The following EXOC6B variants were observed in gnomAD, a reference collection of about 807,000 sequenced individuals.
EXOC6B encodes the protein SEC15 homolog B.
EXOC6B carries 54 observed loss-of-function variants against 113.5 expected under a neutral mutation model. The ratio of observed to expected loss-of-function variants is 0.48; its 90% CI spans 0.38 to 0.60. The LOEUF (loss-of-function observed/expected upper bound fraction) is 0.60. EXOC6B is among the 20% of genes least tolerant of loss of function. The probability of loss-of-function intolerance (pLI) is 0.00; values close to 1 mark genes in which losing one functional copy is unlikely to be tolerated. For synonymous variants in EXOC6B, 357 were observed against 339.0 expected (o/e 1.05, Z -0.58); for missense variants, 797 against 977.5 (o/e 0.82, Z 2.46).
chr2:72,646,252 G>C (rs1573547876), intron 6 of EXOC6B, among the ~76,000 whole-genome samples: 1 of 152,086 alleles, frequency 6.6e-6, no homozygotes, highest in East Asian at 1.9e-4. Flanking sequence ...GGAAGAAGTT[G>C]AATCTCTGAA....
chr2:72,731,321 G>T, intron 3 of EXOC6B, 76 bp from the exon 4 acceptor site: 2 of 1,104,930 alleles, frequency 1.8e-6, no homozygotes, highest in Non-Finnish European at 2.7e-6. Context: ...TTTCCACACT[G>T]TGTTCAATTC....
At position 72,465,357 on chromosome 2, in the gene EXOC6B, A is replaced by C; in HGVS notation, c.1801-18T>G. The C allele has an allele frequency of 1.3e-6, 2 of 1,548,776 alleles. No homozygotes were observed. Among genetic ancestry groups the C allele is most frequent in the South Asian group, 1.2e-5 (1 of 82,998 alleles). On this transcript the variant is annotated intron_variant, in intron 17 of 21. Transcript: ENST00000272427. Reference sequence around the variant, plus strand: ...CTAGCATCCTGTGAAAAAATATAAAATTTGAAAAATCACTCAGATTTCAAT... The same window carrying C: ...CTAGCATCCTGTGAAAAAATATAAACTTTGAAAAATCACTCAGATTTCAAT...
In EXOC6B at chr2:72,590,101, T is replaced by C. The variant is rs114489930; in HGVS notation, c.670-14433A>G. ...ATTACCTTGACAATTGGGCATAATCTTAGGATTTTGGTAATGTTGTGGATA... is the reference window on the plus strand; with the variant it reads ...ATTACCTTGACAATTGGGCATAATCCTAGGATTTTGGTAATGTTGTGGATA... On this transcript the variant is annotated intron_variant, in intron 6 of 21. Coordinates refer to ENST00000272427, the MANE Select transcript of EXOC6B (RefSeq NM_015189.3). 5.9e-3 allele frequency among the ~76,000 whole-genome samples: 901 copies of C among 152,088 alleles called. 6 individuals are homozygous for C. The highest frequency in any genetic ancestry group is 0.01 in the Non-Finnish European group (681 of 67,870).
chr2:72,770,262 G>GA (rs992894812), intron 1 of EXOC6B, among the ~76,000 whole-genome samples: 1 of 151,328 alleles, frequency 6.6e-6, no homozygotes, highest in Admixed American at 6.6e-5. Flanking sequence ...ATACAACTAA[G>GA]AAAAAAAAGA....
intron 20 of EXOC6B, among the ~76,000 whole-genome samples, chr2:72,202,231 C>T (rs1679535666): frequency 6.6e-6 from 1 of 152,168 alleles, no homozygotes; most frequent in Non-Finnish European, 1.5e-5. Context: ...TGAGAGGAGA[C>T]ACAGTAAGTG....
chr2:72,609,778 A>G (rs1442826157), intron 6 of EXOC6B, among the ~76,000 whole-genome samples: 8 of 152,138 alleles, frequency 5.3e-5, no homozygotes, highest in Non-Finnish European at 2.9e-5. Context: ...AACAAGAAAT[A>G]TAAAAACTAA....
intron 6 of EXOC6B, among the ~76,000 whole-genome samples, chr2:72,701,189 A>T (rs1322634382): frequency 6.6e-6 from 1 of 151,592 alleles, no homozygotes. Flanking sequence ...CTAAAAATAC[A>T]AAAATTAGCT....
intron 6 of EXOC6B, among the ~76,000 whole-genome samples, chr2:72,644,412 C>G (rs1298309944): frequency 6.6e-6 from 1 of 152,128 alleles, no homozygotes; most frequent in African/African-American, 2.4e-5. Flanking sequence ...GGCAGGCCAA[C>G]ATTCAAATTC....
intron 18 of EXOC6B, among the ~76,000 whole-genome samples, chr2:72,409,250 C>G (rs1017842290): frequency 1.3e-5 from 2 of 152,314 alleles, no homozygotes; most frequent in East Asian, 3.9e-4. Flanking sequence ...GATACAGGAA[C>G]ACTTTTACAC....
chr2:72,603,337 C>T (rs1449502435), intron 6 of EXOC6B, among the ~76,000 whole-genome samples: 1 of 152,078 alleles, frequency 6.6e-6, no homozygotes, highest in Non-Finnish European at 1.5e-5. Flanking sequence ...ATAGATGAAA[C>T]ACCTTCTTTA....
intron 18 of EXOC6B, among the ~76,000 whole-genome samples, chr2:72,389,054 A>G (rs1042354963): frequency 4.6e-5 from 7 of 152,228 alleles, no homozygotes; most frequent in Admixed American, 3.9e-4. Flanking sequence ...AATTATACTT[A>G]ATATAATTCA....
At chr2:72,384,157 G>T (rs949963677) in intron 18 of EXOC6B, among the ~76,000 whole-genome samples, 1 of 151,852 alleles carries the variant, frequency 6.6e-6, no homozygotes, top group Non-Finnish European at 1.5e-5. Flanking sequence ...AAAGTTAAAA[G>T]AAAACAAACA....
rs567432346 is a variant in EXOC6B at position 72,267,569 on chromosome 2, C to T, written c.2196+67378G>A. Among the ~76,000 whole-genome samples, 14 of 152,178 alleles carry T rather than the reference C, an allele frequency of 9.2e-5. No homozygotes were observed. The East Asian group carries it at 1.5e-3, about 17-fold the overall frequency. The stretch of plus-strand genomic sequence containing the variant: ...ATGCTGGATTACATTTATTGATTTG[C>T]GTATATTGAACCAGCCTTGCATCCC... On this transcript the variant is annotated intron_variant, in intron 20 of 21. Transcript: ENST00000272427.
chr2:72,362,925 A>C (rs1308637596), intron 19 of EXOC6B, among the ~76,000 whole-genome samples: 1 of 152,100 alleles, frequency 6.6e-6, no homozygotes, highest in Non-Finnish European at 1.5e-5. Flanking sequence ...ATGAATCTAG[A>C]CTTCCTCATT....
chr2:72,768,996 T>C (rs1451278320), intron 1 of EXOC6B, among the ~76,000 whole-genome samples: 1 of 152,168 alleles, frequency 6.6e-6, no homozygotes, highest in African/African-American at 2.4e-5. Flanking sequence ...TAGTCCCAGC[T>C]ACTTGGGATT....
At chr2:72,368,701 T>G (rs903136268) in intron 19 of EXOC6B, among the ~76,000 whole-genome samples, 3 of 152,352 alleles carry the variant, frequency 2.0e-5, no homozygotes, top group Admixed American at 1.3e-4. Context: ...GATGCAAGGC[T>G]GGTCCAACAA....
At chr2:72,466,344 CAAAAAAAAAA>C (rs551509210) in intron 17 of EXOC6B, among the ~76,000 whole-genome samples, 1 of 82,314 alleles carries the variant, frequency 1.2e-5, no homozygotes, top group Non-Finnish European at 2.3e-5. Flanking sequence ...GACTCCACCT[CAAAAAAAAAA>C]AAAAAAGAAA....
chr2:72,222,358 A>G (rs1043934613), intron 20 of EXOC6B, among the ~76,000 whole-genome samples: 2 of 152,196 alleles, frequency 1.3e-5, no homozygotes. Context: ...AGTATGGGGG[A>G]AAATGTTTTT....
At chr2:72,493,655 T>A (rs1030279153) in intron 15 of EXOC6B, among the ~76,000 whole-genome samples, 74 of 152,104 alleles carry the variant, frequency 4.9e-4, no homozygotes, top group African/African-American at 1.6e-3. Context: ...AAGATGAGTA[T>A]GAATGCTAGA....
Sources: allele counts gnomAD v4.1 joint callset (sites outside exome capture counted in the v4.1 genomes callset), GRCh38; gene constraint gnomAD v4.1.1; transcripts MANE v1.5; gene names NCBI Gene and HGNC (gene_info 2026-07-23, HGNC 2026-07-21).